Variants in CCDC192 observed in about 807,000 individuals in gnomAD.
CCDC192 encodes coiled-coil domain-containing protein 192.
chr5:127,890,504 A>G (rs1356516636), intron 6 of CCDC192, among the ~76,000 whole-genome samples: 2 of 151,268 alleles, frequency 1.3e-5, no homozygotes, highest in Non-Finnish European at 2.9e-5. Context: ...GGTCTGGCTC[A>G]AGTCCACTGT....
chr5:127,826,992 T>C (rs1451308395), intron 5 of CCDC192, among the ~76,000 whole-genome samples: 1 of 152,086 alleles, frequency 6.6e-6, no homozygotes, highest in Non-Finnish European at 1.5e-5. Flanking sequence ...TGAAATCAAA[T>C]AGTAAAACTT....
intron 6 of CCDC192, among the ~76,000 whole-genome samples, chr5:127,892,585 T>C (rs1342312390): frequency 6.6e-6 from 1 of 152,200 alleles, no homozygotes; most frequent in Non-Finnish European, 1.5e-5. Flanking sequence ...GGAAGAAATT[T>C]TAAATTTTAT....
At chr5:127,813,260 C>T (rs891549227) in intron 5 of CCDC192, among the ~76,000 whole-genome samples, 3 of 152,144 alleles carry the variant, frequency 2.0e-5, no homozygotes, top group African/African-American at 7.2e-5. Context: ...CCTTTCCACT[C>T]TCAAATTCTC....
At position 127,705,564 on chromosome 5, in the gene CCDC192, A is replaced by G. The variant is rs77079408; in HGVS notation, c.62+2057A>G. The stretch of plus-strand genomic sequence containing the variant: ...TAGAGAAATAATCACATATATCATG[A>G]ACCATAATAAGGGCTGCAAGAGGTG... On this transcript the variant is annotated intron_variant, in intron 1 of 6. Coordinates refer to ENST00000514853, the MANE Select transcript of CCDC192 (RefSeq NM_001317938.2). 6.9e-3 allele frequency among the ~76,000 whole-genome samples: 1,055 copies of G among 152,258 alleles called. 14 individuals carry two copies. The highest frequency in any genetic ancestry group is 0.024 in the African/African-American group (1,002 of 41,534).
chr5:127,903,334 C>A (rs1753101762), intron 6 of CCDC192, among the ~76,000 whole-genome samples: 1 of 151,968 alleles, frequency 6.6e-6, no homozygotes, highest in Non-Finnish European at 1.5e-5. Context: ...CCTCTGCCTC[C>A]CAGGTTCACG....
intron 6 of CCDC192, among the ~76,000 whole-genome samples, chr5:127,937,400 T>G (rs1199319625): frequency 6.6e-6 from 1 of 152,148 alleles, no homozygotes; most frequent in African/African-American, 2.4e-5. Flanking sequence ...ATAATTAGGC[T>G]TGGATGGGTT....
chr5:127,910,080 C>T (rs148473100), intron 6 of CCDC192, among the ~76,000 whole-genome samples: 178 of 152,318 alleles, frequency 1.2e-3, no homozygotes, highest in African/African-American at 3.8e-3. Context: ...AAGATGAAAA[C>T]AATCAGAATG....
chr5:127,754,488 C>T (rs1198370479), intron 3 of CCDC192, 113 bp downstream of exon 3: 6 of 357,754 alleles, frequency 1.7e-5, no homozygotes, highest in East Asian at 1.5e-4. Flanking sequence ...CACACACACA[C>T]ACACATACAC....
chr5:127,738,757 C>T (rs975995177), intron 2 of CCDC192, among the ~76,000 whole-genome samples: 12 of 152,192 alleles, frequency 7.9e-5, no homozygotes, highest in Non-Finnish European at 1.5e-5. Context: ...TCACGTAGTT[C>T]TCGAGCCTTG....
chr5:127,772,672 G>A (rs948870975), intron 3 of CCDC192, among the ~76,000 whole-genome samples: 6 of 152,148 alleles, frequency 3.9e-5, no homozygotes, highest in Non-Finnish European at 7.4e-5. Flanking sequence ...AAGCTCCAGG[G>A]ACCTCTATAT....
chr5:127,711,569 C>T (rs560482367), intron 2 of CCDC192, among the ~76,000 whole-genome samples: 4 of 152,194 alleles, frequency 2.6e-5, no homozygotes, highest in Non-Finnish European at 5.9e-5. Context: ...TGGAAACATA[C>T]ATTTGGTCAT....
At chr5:127,864,886 G>A (rs10067508) in intron 5 of CCDC192, among the ~76,000 whole-genome samples, 3,284 of 152,276 alleles carry the variant, frequency 0.022, 111 homozygotes, top group African/African-American at 0.072. Context: ...GGTGGTTCAC[G>A]CCTGTAACCC....
upstream of CCDC192, among the ~76,000 whole-genome samples, chr5:127,703,107 G>A (rs530642067): frequency 7.9e-5 from 12 of 152,302 alleles, no homozygotes; most frequent in South Asian, 2.3e-3. Flanking sequence ...CAGTGTGGCT[G>A]TTTCCTTAGC....
chr5:127,768,586 G>A (rs1755366135), intron 3 of CCDC192, among the ~76,000 whole-genome samples: 1 of 152,172 alleles, frequency 6.6e-6, no homozygotes, highest in South Asian at 2.1e-4. Context: ...CACCCAGTTT[G>A]TGGTACTCTT....
intron 6 of CCDC192, among the ~76,000 whole-genome samples, chr5:127,899,828 C>T (rs1435011281): frequency 6.6e-6 from 1 of 152,178 alleles, no homozygotes; most frequent in African/African-American, 2.4e-5. Context: ...ACAGCTGTCC[C>T]ATAGGAATGG....
At chr5:127,817,905 A>C (rs1345425574) in intron 5 of CCDC192, among the ~76,000 whole-genome samples, 1 of 152,222 alleles carries the variant, frequency 6.6e-6, no homozygotes, top group Admixed American at 6.5e-5. Flanking sequence ...GAAACATTGC[A>C]TCTAGTCCTT....
At chr5:127,807,879 C>T (rs1477695312) in intron 5 of CCDC192, among the ~76,000 whole-genome samples, 1 of 152,146 alleles carries the variant, frequency 6.6e-6, no homozygotes, top group Non-Finnish European at 1.5e-5. Flanking sequence ...CAGAGAGCCA[C>T]ATTCCTAGAC....
chr5:127,851,031 C>CACCT (rs1750773823), intron 5 of CCDC192, among the ~76,000 whole-genome samples: 1 of 152,150 alleles, frequency 6.6e-6, no homozygotes, highest in Non-Finnish European at 1.5e-5. Flanking sequence ...CAACAAGAAG[C>CACCT]ACCTGTCCCT....
chr5:127,896,697 C>T (rs1042730419), intron 6 of CCDC192, among the ~76,000 whole-genome samples: 2 of 152,154 alleles, frequency 1.3e-5, no homozygotes, highest in Admixed American at 6.6e-5. Context: ...CCACCCGCCT[C>T]GGCCTCCCTA....
Sources: allele counts gnomAD v4.1 joint callset (sites outside exome capture counted in the v4.1 genomes callset), GRCh38; gene constraint gnomAD v4.1.1; transcripts MANE v1.5; gene names NCBI Gene and HGNC (gene_info 2026-07-23, HGNC 2026-07-21).